Variants in SOX5 observed in about 807,000 individuals in gnomAD.
The protein encoded by SOX5 is transcription factor SOX-5.
Under a neutral mutation model 92.0 loss-of-function variants are expected in SOX5, and 9 were observed. That is an observed-to-expected ratio of 0.10 (90% CI 0.06 to 0.17). The LOEUF (loss-of-function observed/expected upper bound fraction) is 0.17, where lower values mean the gene tolerates loss of function less well. Ranked by LOEUF, SOX5 falls within the 10% of genes least tolerant of loss-of-function variation. The pLI is 1.00. For synonymous variants in SOX5, 344 were observed against 336.3 expected (o/e 1.02, Z -0.25); for missense variants, 642 against 944.5 (o/e 0.68, Z 4.20).
chr12:24,107,494 A>C (rs1946822851), intron 4 of SOX5, among the ~76,000 whole-genome samples: 1 of 152,236 alleles, frequency 6.6e-6, no homozygotes, highest in Admixed American at 6.5e-5. Flanking sequence ...ACTGCCACTT[A>C]CACATTACTT....
chr12:23,880,035 T>C lies in SOX5; in HGVS notation c.270+15758A>G, dbSNP rs78303479. On this transcript the variant is annotated intron_variant, in intron 2 of 14. Transcript: ENST00000451604. ...GACTGCAAGTCAGTTGCCAGATATA[T>C]AGCCCCAGTGTGAGGATGCACCACA... Among the ~76,000 whole-genome samples, 791 of 152,258 alleles carry C rather than the reference T, an allele frequency of 5.2e-3. 11 individuals are homozygous for C. The highest frequency in any genetic ancestry group is 0.018 in the African/African-American group (764 of 41,546).
chr12:24,070,593 A>AG (rs1411366480), intron 4 of SOX5, among the ~76,000 whole-genome samples: 1 of 152,224 alleles, frequency 6.6e-6, no homozygotes, highest in African/African-American at 2.4e-5. Context: ...TTTTAAAAAA[A>AG]AAAACTACTG....
At position 24,513,401 on chromosome 12, in the gene SOX5, C is replaced by T. The variant is rs199710074; in HGVS notation, c.-251+48928G>A. ...AATGAAACCTTCATATTTAACTCAA[C>T]ACAGAGGTAAGAATTGTTGGCTTCC... On this transcript the variant is annotated intron_variant, in intron 1 of 4. Coordinates refer to the SOX5 transcript ENST00000446891. 1.6e-4 allele frequency among the ~76,000 whole-genome samples: 25 copies of T among 152,326 alleles called. No homozygotes were observed. In the East Asian group the frequency reaches 3.7e-3, roughly 22 times the overall value.
At chr12:24,408,753 G>A (rs969502362) in intron 1 of SOX5, among the ~76,000 whole-genome samples, 1 of 152,194 alleles carries the variant, frequency 6.6e-6, no homozygotes, top group Admixed American at 6.5e-5. Flanking sequence ...AGGATGCTGA[G>A]TTGTTTCAAG....
intron 1 of SOX5, among the ~76,000 whole-genome samples, chr12:24,473,609 C>T (rs1945041278): frequency 6.6e-6 from 1 of 151,970 alleles, no homozygotes; most frequent in Admixed American, 6.6e-5. Context: ...TTTTTTGCTC[C>T]AGATCAAACA....
At chr12:23,915,234 C>G (rs1310465098) in intron 1 of SOX5, among the ~76,000 whole-genome samples, 6 of 152,088 alleles carry the variant, frequency 3.9e-5, no homozygotes, top group Admixed American at 3.9e-4. Context: ...TAAATGCTAT[C>G]TATTATTATT....
At chr12:24,281,963 ATTTCCGGGGC>A (rs1945261555) in intron 2 of SOX5, among the ~76,000 whole-genome samples, 2 of 44,158 alleles carry the variant, frequency 4.5e-5, no homozygotes, top group Non-Finnish European at 9.7e-5. Flanking sequence ...CCTCGATGCG[ATTTCCGGGGC>A]ATCACCTACT....
chr12:23,943,732 G>A (rs137869717), intron 1 of SOX5, among the ~76,000 whole-genome samples: 89 of 152,194 alleles, frequency 5.8e-4, no homozygotes, highest in African/African-American at 2.0e-3. Flanking sequence ...AATGAGCCGA[G>A]TTCAGGTTTG....
intron 3 of SOX5, among the ~76,000 whole-genome samples, chr12:24,256,334 G>C (rs1941156710): frequency 1.3e-5 from 2 of 152,176 alleles, no homozygotes; most frequent in Non-Finnish European, 1.5e-5. Flanking sequence ...TCTGTAGTCT[G>C]AAGGGACTGA....
intron 1 of SOX5, among the ~76,000 whole-genome samples, chr12:24,517,216 A>G (rs1682366036): frequency 6.6e-6 from 1 of 152,208 alleles, no homozygotes; most frequent in Non-Finnish European, 1.5e-5. Flanking sequence ...CCTCTTGACC[A>G]AAGAGGAAAC....
At chr12:23,548,422 A>G (rs1353096142) in intron 11 of SOX5, among the ~76,000 whole-genome samples, 3 of 152,064 alleles carry the variant, frequency 2.0e-5, no homozygotes, top group Admixed American at 6.6e-5. Context: ...TAGCTACCCA[A>G]AAGTAAAACT....
intron 4 of SOX5, among the ~76,000 whole-genome samples, chr12:24,010,158 A>C (rs1952749399): frequency 6.6e-6 from 1 of 152,216 alleles, no homozygotes; most frequent in Non-Finnish European, 1.5e-5. Flanking sequence ...ATGTGCCAGA[A>C]ACTTTTCCAT....
chr12:23,616,748 G>T (rs1387880594), intron 8 of SOX5, among the ~76,000 whole-genome samples: 1 of 152,084 alleles, frequency 6.6e-6, no homozygotes, highest in African/African-American at 2.4e-5. Flanking sequence ...GTGTATAAGG[G>T]TTTGAATTAT....
chr12:23,674,336 A>ATTTTTTTTTTTTTTGTTTTTT (rs2085294016), intron 6 of SOX5, among the ~76,000 whole-genome samples: 1 of 97,384 alleles, frequency 1.0e-5, no homozygotes, highest in African/African-American at 4.2e-5. Flanking sequence ...ATAAAAAGGA[A>ATTTTTTTTTTTTTTGTTTTTT]TTTTTTTTTT....
At chr12:23,654,930 A>G (rs1414392449) in intron 7 of SOX5, among the ~76,000 whole-genome samples, 1 of 152,066 alleles carries the variant, frequency 6.6e-6, no homozygotes, top group African/African-American at 2.4e-5. Context: ...GTTAGTTCTT[A>G]ACTGCTTTGT....
intron 7 of SOX5, among the ~76,000 whole-genome samples, chr12:23,654,051 C>T (rs2082009699): frequency 6.6e-6 from 1 of 151,936 alleles, no homozygotes; most frequent in Admixed American, 6.6e-5. Context: ...AGTAGAAAAA[C>T]CATATTATAA....
At chr12:23,693,953 A>G (rs575324601) in intron 6 of SOX5, among the ~76,000 whole-genome samples, 1 of 152,306 alleles carries the variant, frequency 6.6e-6, no homozygotes, top group South Asian at 2.1e-4. Context: ...AAGTAAAGAT[A>G]TCCGTAAAGT....
At chr12:23,941,014 A>G (rs1007675455) in intron 1 of SOX5, among the ~76,000 whole-genome samples, 15 of 151,542 alleles carry the variant, frequency 9.9e-5, no homozygotes, top group African/African-American at 3.6e-4. Flanking sequence ...CTGAGCTGCA[A>G]ACAAGAAAAC....
intron 1 of SOX5, among the ~76,000 whole-genome samples, chr12:24,501,519 G>A (rs180756730): frequency 1.3e-5 from 2 of 152,008 alleles, no homozygotes; most frequent in African/African-American, 2.4e-5. Context: ...ATACTTAAAA[G>A]TGGTATCAAA....
Sources: allele counts gnomAD v4.1 joint callset (sites outside exome capture counted in the v4.1 genomes callset), GRCh38; gene constraint gnomAD v4.1.1; transcripts MANE v1.5; gene names NCBI Gene and HGNC (gene_info 2026-07-23, HGNC 2026-07-21).